CALD1: variants seen among roughly 807,000 people sequenced by gnomAD.
The protein encoded by CALD1 is caldesmon 1.
A neutral mutation model predicts 99.9 loss-of-function variants in CALD1; 33 were observed. The observed-to-expected ratio is 0.33, with a 90% CI of 0.25 to 0.44. The LOEUF (loss-of-function observed/expected upper bound fraction) is 0.44. Among genes scored for constraint, CALD1 ranks in the 20% least tolerant of loss-of-function variants. The pLI is 1.00. For missense variants in CALD1, 861 were observed against 962.1 expected (o/e 0.89, Z 1.39); for synonymous variants, 310 against 325.0 (o/e 0.95, Z 0.50).
the CALD1 span, among the ~76,000 whole-genome samples, chr7:134,725,345 T>C: frequency 3.3e-5 from 5 of 152,384 alleles, no homozygotes; most frequent in Middle Eastern, 3.4e-3. Context: ...CCCTGGATTC[T>C]ACATTCCATG....
rs1391512913 is a variant in CALD1, at chr7:134,970,271, T to C, written c.*1926T>C. 1 of 152,216 alleles carries C rather than the reference T, an allele frequency of 6.6e-6. No individual in the cohort carries two copies. Among genetic ancestry groups the C allele is most frequent in the African/African-American group, 2.4e-5 (1 of 41,460 alleles). 9.4% of individuals were successfully genotyped at this position (152,216 alleles called of 1,614,324 possible). A position where few individuals can be genotyped will look rare whatever the true frequency, so the allele number is the denominator to read the frequency against. On this transcript the variant is annotated 3_prime_UTR_variant, in exon 15 of 15. Transcript: ENST00000361675. Reference sequence around the variant, plus strand: ...AATTAAGGCCTATGGTAAGGTAACATTGCTTTGTTGTACTTTTGAACAAGA... The same window carrying C: ...AATTAAGGCCTATGGTAAGGTAACACTGCTTTGTTGTACTTTTGAACAAGA...
At chr7:134,841,040 G>T (rs554092417) in intron 1 of CALD1, among the ~76,000 whole-genome samples, 1 of 152,234 alleles carries the variant, frequency 6.6e-6, no homozygotes, top group South Asian at 2.1e-4. Context: ...GGGGGAACTT[G>T]GTTGAACTTG....
At chr7:134,812,550 T>A (rs975584677) in intron 1 of CALD1, among the ~76,000 whole-genome samples, 17 of 150,460 alleles carry the variant, frequency 1.1e-4, no homozygotes, top group Non-Finnish European at 1.9e-4. Context: ...ACTGCTATTA[T>A]CCATTTACCA....
In CALD1 at chr7:134,965,393, T is replaced by C; in HGVS notation, c.2376+7T>C. The C allele has an allele frequency of 7.3e-7, 1 of 1,369,464 alleles. No homozygotes were observed. The highest frequency in any genetic ancestry group is 1.0e-6 in the Non-Finnish European group (1 of 956,802). The allele number at this position is 1,369,464 out of a possible 1,614,324, so 84.8% of individuals were successfully genotyped here. On this transcript the variant is annotated splice_region_variant and intron_variant, in intron 14 of 14. Transcript: ENST00000361675. ...GGTCACTTCCCCCACTAAGGTAATC[T>C]ATTGGGAAGACTAGTATTTCAGAGG...
intron 3 of CALD1, among the ~76,000 whole-genome samples, chr7:134,905,943 T>TG (rs1270361651): frequency 6.7e-6 from 1 of 149,610 alleles, no homozygotes; most frequent in African/African-American, 2.5e-5. Context: ...TTTTTTTTTT[T>TG]TTTGAGACAG....
At chr7:134,811,182 C>T (rs925903624) in intron 1 of CALD1, among the ~76,000 whole-genome samples, 2 of 152,106 alleles carry the variant, frequency 1.3e-5, no homozygotes, top group African/African-American at 2.4e-5. Context: ...ATTCTAGTGC[C>T]GAACACAGCA....
At chr7:134,964,705 A>C (rs1309670461) in intron 13 of CALD1, among the ~76,000 whole-genome samples, 1 of 152,128 alleles carries the variant, frequency 6.6e-6, no homozygotes, top group Non-Finnish European at 1.5e-5. Context: ...TGAGGCAGGA[A>C]ATGCTTATCA....
chr7:134,937,041 A>G (rs754427428), intron 6 of CALD1, among the ~76,000 whole-genome samples: 8 of 152,236 alleles, frequency 5.3e-5, no homozygotes, highest in Non-Finnish European at 8.8e-5. Flanking sequence ...TATGTCCCAC[A>G]TGGGTTCTTG....
intron 3 of CALD1, among the ~76,000 whole-genome samples, chr7:134,904,532 T>G (rs1803232467): frequency 6.6e-6 from 1 of 151,846 alleles, no homozygotes; most frequent in Non-Finnish European, 1.5e-5. Flanking sequence ...ACCACTGCAC[T>G]CTGGCCTGGG....
chr7:134,930,609 T>C (rs141157987), intron 4 of CALD1, among the ~76,000 whole-genome samples: 13 of 152,298 alleles, frequency 8.5e-5, no homozygotes, highest in East Asian at 5.8e-4. Flanking sequence ...TAGCTTCTAA[T>C]TGGGGAGTAG....
At chr7:134,858,221 C>T (rs1356105624) in intron 2 of CALD1, among the ~76,000 whole-genome samples, 1 of 152,082 alleles carries the variant, frequency 6.6e-6, no homozygotes, top group African/African-American at 2.4e-5. Flanking sequence ...CCATGTGAAC[C>T]ACTCTTGGGC....
At chr7:134,836,917 G>A (rs932875420) in intron 1 of CALD1, among the ~76,000 whole-genome samples, 2 of 152,124 alleles carry the variant, frequency 1.3e-5, no homozygotes, top group African/African-American at 4.8e-5. Flanking sequence ...TAGCATCGCA[G>A]ATTACTCTTC....
At chr7:134,908,550 C>G (rs190779255) in intron 3 of CALD1, among the ~76,000 whole-genome samples, 8 of 152,304 alleles carry the variant, frequency 5.3e-5, no homozygotes, top group Non-Finnish European at 1.0e-4. Context: ...CTCACATGAG[C>G]TGCAGGCTGG....
intron 1 of CALD1, among the ~76,000 whole-genome samples, chr7:134,788,651 C>T (rs890931500): frequency 7.9e-5 from 12 of 152,102 alleles, no homozygotes; most frequent in African/African-American, 2.9e-4. Context: ...TTTTTCAGTG[C>T]TGTGATTTGA....
At chr7:134,967,613 T>C (rs938482648) in intron 14 of CALD1, among the ~76,000 whole-genome samples, 13 of 152,132 alleles carry the variant, frequency 8.5e-5, no homozygotes, top group Admixed American at 8.5e-4. Context: ...ACATCCTCCT[T>C]CACCATCATA....
At chr7:134,759,372 G>A (rs912942928) in intron 1 of CALD1, among the ~76,000 whole-genome samples, 3 of 152,174 alleles carry the variant, frequency 2.0e-5, no homozygotes, top group Admixed American at 6.5e-5. Context: ...TTCACTGTGT[G>A]GGGGCTAGGA....
chr7:134,891,373 A>G (rs1357374123), intron 3 of CALD1: 4 of 1,241,774 alleles, frequency 3.2e-6, no homozygotes, highest in Non-Finnish European at 4.0e-6. Context: ...AATAACAATC[A>G]GCTCTCTGAT....
the CALD1 span, among the ~76,000 whole-genome samples, chr7:134,720,219 G>A: frequency 1.4e-5 from 2 of 144,996 alleles, no homozygotes; most frequent in Admixed American, 1.4e-4. Flanking sequence ...GCAGAGCATA[G>A]TTGAAATAAT....
intron 3 of CALD1, among the ~76,000 whole-genome samples, chr7:134,905,786 T>G (rs186861760): frequency 4.6e-5 from 7 of 152,192 alleles, no homozygotes; most frequent in Non-Finnish European, 8.8e-5. Flanking sequence ...GTCATGAGTG[T>G]ACCTCTTTCC....
Sources: allele counts gnomAD v4.1 joint callset (sites outside exome capture counted in the v4.1 genomes callset), GRCh38; gene constraint gnomAD v4.1.1; transcripts MANE v1.5; gene names NCBI Gene and HGNC (gene_info 2026-07-23, HGNC 2026-07-21).